ZFHX3: variants seen among roughly 807,000 people sequenced by gnomAD.
ZFHX3 encodes the protein zinc finger homeobox protein 3.
ZFHX3 carries 42 observed loss-of-function variants against 279.1 expected under a neutral mutation model. That is an observed-to-expected ratio of 0.15 (90% CI 0.12 to 0.19). ZFHX3 has a LOEUF of 0.19. Among genes scored for constraint, ZFHX3 ranks in the 10% least tolerant of loss-of-function variants. The pLI, the probability that ZFHX3 is intolerant of heterozygous loss-of-function variation, is 1.00. For missense variants in ZFHX3, 4,981 were observed against 4,754.0 expected, an observed-to-expected ratio of 1.05 and a Z score of -1.40; for synonymous variants, 2,293 against 1,957.8, an observed-to-expected ratio of 1.17 and a Z score of -4.52.
chr16:73,532,309 C>G (rs1030816902), intron 2 of ZFHX3, among the ~76,000 whole-genome samples: 2 of 151,950 alleles, frequency 1.3e-5, no homozygotes, highest in Admixed American at 6.6e-5. Context: ...ATGGGGAGAC[C>G]CTTTTCGTTT....
At chr16:73,051,844 T>C (rs1262761243), upstream of ZFHX3, among the ~76,000 whole-genome samples, 1 of 152,212 alleles carries the variant, frequency 6.6e-6, no homozygotes, top group Non-Finnish European at 1.5e-5. Flanking sequence ...AAAATATTAT[T>C]TCTGAAAGGG....
intron 3 of ZFHX3, among the ~76,000 whole-genome samples, chr16:73,375,861 A>G (rs2016714337): frequency 6.6e-6 from 1 of 152,222 alleles, no homozygotes; most frequent in South Asian, 2.1e-4. Flanking sequence ...ACATCAAATT[A>G]CTATGCTTTA....
At chr16:73,302,006 C>G (rs956272064) in intron 4 of ZFHX3, among the ~76,000 whole-genome samples, 9 of 152,006 alleles carry the variant, frequency 5.9e-5, no homozygotes, top group Admixed American at 5.9e-4. Flanking sequence ...TGTGCACCAG[C>G]CACACACGGG....
intron 1 of ZFHX3, among the ~76,000 whole-genome samples, chr16:73,727,264 C>A (rs964283247): frequency 6.6e-6 from 1 of 152,216 alleles, no homozygotes; most frequent in Non-Finnish European, 1.5e-5. Flanking sequence ...CAGAGAGGAG[C>A]CTCCAGAGAC....
At chr16:73,652,700 G>C (rs2052683282) in intron 2 of ZFHX3, among the ~76,000 whole-genome samples, 1 of 152,140 alleles carries the variant, frequency 6.6e-6, no homozygotes, top group South Asian at 2.1e-4. Flanking sequence ...AAAGTGTCTG[G>C]AGAAACTGTA....
intron 1 of ZFHX3, among the ~76,000 whole-genome samples, chr16:73,045,421 T>C (rs190352700): frequency 7.9e-5 from 12 of 152,266 alleles, no homozygotes; most frequent in East Asian, 5.8e-4. Flanking sequence ...GGCTGTCCAA[T>C]TGGCACTGAG....
intron 2 of ZFHX3, among the ~76,000 whole-genome samples, chr16:73,665,439 C>G (rs1050124049): frequency 6.6e-6 from 1 of 151,716 alleles, no homozygotes; most frequent in African/African-American, 2.4e-5. Flanking sequence ...GCCTCGAACT[C>G]CTGACCTCAA....
intron 2 of ZFHX3, among the ~76,000 whole-genome samples, chr16:73,542,527 G>A (rs1396080859): frequency 1.3e-5 from 2 of 152,084 alleles, no homozygotes; most frequent in South Asian, 2.1e-4. Flanking sequence ...ATTTTTCAGT[G>A]TCACAAACTA....
intron 3 of ZFHX3, among the ~76,000 whole-genome samples, chr16:73,366,831 T>C (rs1362853008): frequency 6.6e-6 from 1 of 152,192 alleles, no homozygotes; most frequent in African/African-American, 2.4e-5. Context: ...ATCAAGACTA[T>C]AGAGGAAAGT....
intron 3 of ZFHX3, among the ~76,000 whole-genome samples, chr16:73,325,914 C>CACACACACACACAA (rs1223568034): frequency 8.8e-6 from 1 of 113,896 alleles, no homozygotes; most frequent in Non-Finnish European, 1.9e-5. Context: ...CACACACACA[C>CACACACACACACAA]ACACACACAC....
intron 1 of ZFHX3, among the ~76,000 whole-genome samples, chr16:73,699,322 GA>G (rs570865899): frequency 9.1e-4 from 138 of 151,972 alleles, no homozygotes; most frequent in Middle Eastern, 3.4e-3. Flanking sequence ...AAAATAAAAA[GA>G]AAAAAATAGA....
intron 5 of ZFHX3, among the ~76,000 whole-genome samples, chr16:73,237,102 G>T (rs2012973554): frequency 6.6e-6 from 1 of 152,198 alleles, no homozygotes; most frequent in Admixed American, 6.5e-5. Context: ...GGGTACTCAG[G>T]CTCACAGAGA....
chr16:72,939,162 G>T (rs922364011), intron 3 of ZFHX3, among the ~76,000 whole-genome samples: 1 of 152,150 alleles, frequency 6.6e-6, no homozygotes, highest in Non-Finnish European at 1.5e-5. Context: ...AGGAGCTATG[G>T]GAGGACCACA....
Position 73,537,724 on chromosome 16 carries a change from G to GAAGC in ZFHX3, c.-1546-81470_-1546-81467dup, listed in dbSNP as rs1171535081. Among the ~76,000 whole-genome samples the GAAGC allele has an allele frequency of 2.0e-5, 3 of 152,324 alleles. No individual in the cohort carries two copies. In the East Asian group the frequency reaches 5.8e-4, roughly 29 times the overall value. On this transcript the variant is annotated intron_variant, in intron 2 of 17. Transcript: ENST00000641206. The stretch of plus-strand genomic sequence containing the variant: ...GTAGTCCAAGTCCCTCTCCACACCT[G>GAAGC]AAGCAGTTCATTCTTCAGGAGTCCC...
intron 5 of ZFHX3, among the ~76,000 whole-genome samples, chr16:73,238,799 A>G (rs755517003): frequency 5.9e-5 from 9 of 151,686 alleles, no homozygotes; most frequent in Non-Finnish European, 8.8e-5. Flanking sequence ...ATGCCCCATA[A>G]CTCTTTCATG....
intron 5 of ZFHX3, among the ~76,000 whole-genome samples, chr16:73,247,367 T>C (rs2013317353): frequency 6.6e-6 from 1 of 152,112 alleles, no homozygotes; most frequent in Non-Finnish European, 1.5e-5. Flanking sequence ...TGTGTCTATG[T>C]GCCTGTATGT....
At chr16:73,848,184 T>C (rs916950889) in intron 1 of ZFHX3, among the ~76,000 whole-genome samples, 38 of 152,066 alleles carry the variant, frequency 2.5e-4, no homozygotes, top group Admixed American at 1.8e-3. Context: ...TTTCCCTAAA[T>C]AGCAGTTGGA....
intron 8 of ZFHX3, among the ~76,000 whole-genome samples, chr16:73,083,021 T>TAAAAAAA (rs71156139): frequency 5.3e-5 from 7 of 132,040 alleles, no homozygotes; most frequent in South Asian, 2.4e-4. Flanking sequence ...CCATCTCTAC[T>TAAAAAAA]AAAAAAAAAA....
intron 2 of ZFHX3, among the ~76,000 whole-genome samples, chr16:72,953,770 C>T (rs755225051): frequency 1.3e-5 from 2 of 152,068 alleles, no homozygotes; most frequent in Non-Finnish European, 2.9e-5. Context: ...AATGTTTTGT[C>T]GAGATGTTGC....
Sources: gnomAD v4.1 joint callset for allele counts (sites outside exome capture counted in the v4.1 genomes callset) on GRCh38, gnomAD v4.1.1 for gene constraint, MANE v1.5 for transcripts, NCBI Gene and HGNC (gene_info 2026-07-23, HGNC 2026-07-21) for gene names.